Variants in NBN observed in about 807,000 individuals in gnomAD.
NBN encodes the protein nibrin, also known as Nijmegen breakage syndrome 1 (nibrin).
NBN carries 88 observed loss-of-function variants against 90.8 expected under a neutral mutation model. The ratio of observed to expected loss-of-function variants is 0.97; its 90% CI spans 0.82 to 1.16. The LOEUF is 1.16. Among genes scored for constraint, NBN ranks in the 50% most tolerant of loss-of-function variants. NBN has a pLI of 0.00. For missense variants in NBN, 894 were observed against 869.6 expected, an observed-to-expected ratio of 1.03 and a Z score of -0.35; for synonymous variants, 328 against 295.1, an observed-to-expected ratio of 1.11 and a Z score of -1.14.
chr8:89,981,587 A>C lies in NBN; in HGVS notation c.172-64T>G. The C allele has an allele frequency of 1.9e-6, 3 of 1,573,246 alleles. No individual in the cohort carries two copies. In the East Asian group the frequency reaches 6.7e-5, roughly 35 times the overall value. On this transcript the variant is annotated intron_variant, in intron 2 of 15. Coordinates refer to ENST00000265433, the MANE Select transcript of NBN (RefSeq NM_002485.5). ...CAGTACATTCACTTCTCAGAGAAAA[A>C]GTTTTCAAAAGAAAAGACAATAGGC...
At chr8:89,955,925 T>C (rs1335018873) in intron 9 of NBN, among the ~76,000 whole-genome samples, 1 of 151,930 alleles carries the variant, frequency 6.6e-6, no homozygotes, top group African/African-American at 2.4e-5. Flanking sequence ...ATCACTATTA[T>C]GGTACTTTCA....
Position 89,969,716 on chromosome 8 carries a change from C to A in NBN, c.896+648G>T, listed in dbSNP as rs952292530. Reference sequence around the variant, plus strand: ...CCTGTAATCCCAGCACTTTGGGAGGCCGAGGTGGGTGGATCATCTCAGGAT... The same window carrying A: ...CCTGTAATCCCAGCACTTTGGGAGGACGAGGTGGGTGGATCATCTCAGGAT... On this transcript the variant is annotated intron_variant, in intron 7 of 15. Transcript: ENST00000265433. 7.4e-4 allele frequency among the ~76,000 whole-genome samples: 113 copies of A among 152,258 alleles called. 3 individuals carry two copies. Among genetic ancestry groups the A allele is most frequent in the African/African-American group, 2.6e-3 (108 of 41,546 alleles).
In NBN at chr8:89,976,606, T is replaced by C. The variant is rs142071321; in HGVS notation, c.584+1614A>G. On this transcript the variant is annotated intron_variant, in intron 5 of 15. Transcript: ENST00000265433. The stretch of plus-strand genomic sequence containing the variant: ...AATAAATGACCACAGCAACAGCTAG[T>C]CGGGACCGCGGCTGCTAACTCTTTA... Among the ~76,000 whole-genome samples the C allele has an allele frequency of 1.7e-3, 257 of 152,298 alleles. 3 individuals are homozygous for C. Among genetic ancestry groups the C allele is most frequent in the Middle Eastern group, 3.4e-3 (1 of 294 alleles).
chr8:89,971,262 T>C lies in NBN; in HGVS notation c.613A>G (p.Ile205Val), dbSNP rs730881845. 1.4e-5 allele frequency: 23 copies of C among 1,612,920 alleles called. No homozygotes were observed. The highest frequency in any genetic ancestry group is 3.3e-4 in the Middle Eastern group (2 of 6,030). Residue 205 changes from isoleucine to valine, a missense_variant, in exon 6 of 16, where the codon ATT becomes GTT. Physicochemically the swap from Ile to Val is conservative, Grantham distance 29 (BLOSUM62 3). Transcript: ENST00000265433. The stretch of plus-strand genomic sequence containing the variant: ...GACAGATCAACATTTTTACTTCCAA[T>C]AGATGGTTCATCAAGAGGTGGGTAA... ...SFYPPLDEPS[I>V]GSKNVDLSGR...
chr8:89,935,664 C>CT (rs1809638083), intron 15 of NBN, 52 bp from the exon 16 acceptor site: 3 of 1,594,022 alleles, frequency 1.9e-6, no homozygotes, highest in Non-Finnish European at 2.6e-6. Flanking sequence ...GATGGTATTT[C>CT]TTTTAAAGGT....
At chr8:89,943,417 A>ACCAT in intron 13 of NBN, 51 bp from the exon 14 acceptor site, 1 of 1,555,210 alleles carries the variant, frequency 6.4e-7, no homozygotes, top group Non-Finnish European at 8.9e-7. Context: ...AACAAAAATG[A>ACCAT]CCATTTTTTT....
chr8:89,939,488 T>G (rs1809839785), intron 14 of NBN, among the ~76,000 whole-genome samples: 1 of 152,056 alleles, frequency 6.6e-6, no homozygotes, highest in African/African-American at 2.4e-5. Context: ...ATCATCATTC[T>G]CTCAACTTCT....
chr8:89,957,422 G>T (rs1395666553), intron 9 of NBN, among the ~76,000 whole-genome samples: 1 of 152,124 alleles, frequency 6.6e-6, no homozygotes, highest in African/African-American at 2.4e-5. Flanking sequence ...TTTAAGCTAG[G>T]TATTATTAAA....
At chr8:89,935,691 G>A (rs2130735975) in intron 15 of NBN, 79 bp from the exon 16 acceptor site, 1 of 1,549,204 alleles carries the variant, frequency 6.5e-7, no homozygotes, top group Non-Finnish European at 8.8e-7. Context: ...CTTTCAAACT[G>A]TAGTCACACT....
At position 89,955,498 on chromosome 8, in the gene NBN, T is replaced by C. The variant is rs1586059412; in HGVS notation, c.1182A>G (p.Arg394=). ...IKVSKMEQKF[R]MLSQDAPTVK... Reference sequence around the variant, plus strand: ...CAGTGGGTGCATCTTGTGAAAGCATTCTGAATTTTTGTTCCATTTTGGAGA... The same window carrying C: ...CAGTGGGTGCATCTTGTGAAAGCATCCTGAATTTTTGTTCCATTTTGGAGA... Residue 394 remains arginine, a synonymous_variant, in exon 10 of 16, where the codon AGA becomes AGG. Transcript: ENST00000265433. 4 of 1,613,670 alleles carry C rather than the reference T, an allele frequency of 2.5e-6. No individual in the cohort carries two copies. The East Asian group carries it at 8.9e-5, about 36-fold the overall frequency.
chr8:89,984,028 C>T (rs970446674), intron 1 of NBN, among the ~76,000 whole-genome samples: 2 of 152,168 alleles, frequency 1.3e-5, no homozygotes, highest in Non-Finnish European at 2.9e-5. Flanking sequence ...TCGACTTTTC[C>T]CATTGTTCTG....
rs557825078 is a variant in NBN at position 89,981,809 on chromosome 8, T to A, written c.172-286A>T. 1.6e-3 allele frequency: 817 copies of A among 516,472 alleles called. 9 individuals carry two copies. Among genetic ancestry groups the A allele is most frequent in the African/African-American group, 0.013 (683 of 51,318 alleles). The allele number at this position is 516,472 out of a possible 1,614,324, so 32.0% of individuals were successfully genotyped here. A position where few individuals can be genotyped will look rare whatever the true frequency, so the allele number is the denominator to read the frequency against. On this transcript the variant is annotated intron_variant, in intron 2 of 15. Transcript: ENST00000265433. ...GACCCCTCACACACATTTGAGAATT[T>A]TTTGCTTTGGTGCAGTCTGTTTCAT... is the stretch of plus-strand genomic sequence containing the variant.
In NBN at chr8:89,981,562, C is replaced by G. The variant is rs769789921; in HGVS notation, c.172-39G>C. 5 of 1,607,160 alleles carry G rather than the reference C, an allele frequency of 3.1e-6. No homozygotes were observed. The Admixed American group carries it at 5.0e-5, about 16-fold the overall frequency. On this transcript the variant is annotated intron_variant, in intron 2 of 15. Coordinates refer to ENST00000265433, the MANE Select transcript of NBN (RefSeq NM_002485.5). ...AAATAATTTAAAGTCTTTTACCACTCAGTACATTCACTTCTCAGAGAAAAA... is the reference window on the plus strand; with the variant it reads ...AAATAATTTAAAGTCTTTTACCACTGAGTACATTCACTTCTCAGAGAAAAA...
chr8:89,981,680 C>A, intron 2 of NBN, 157 bp from the exon 3 acceptor site: 1 of 733,644 alleles, frequency 1.4e-6, no homozygotes, highest in Non-Finnish European at 2.2e-6. Flanking sequence ...GAAGATCACT[C>A]AACTAACAAT....
rs117864816 is a variant in NBN at position 89,957,002 on chromosome 8, G to A, written c.1125-1447C>T. 6.0e-3 allele frequency among the ~76,000 whole-genome samples: 907 copies of A among 152,126 alleles called. 4 individuals carry two copies. Among genetic ancestry groups the A allele is most frequent in the Middle Eastern group, 0.02 (6 of 294 alleles). On this transcript the variant is annotated intron_variant, in intron 9 of 15. Coordinates refer to ENST00000265433, the MANE Select transcript of NBN (RefSeq NM_002485.5). ...TATAGCACAACAGCACATACAATTCGGTACAATACATAATACTTGATAATG... is the reference window on the plus strand; with the variant it reads ...TATAGCACAACAGCACATACAATTCAGTACAATACATAATACTTGATAATG...
intron 14 of NBN, among the ~76,000 whole-genome samples, chr8:89,939,141 G>A (rs1809821349): frequency 6.6e-6 from 1 of 151,998 alleles, no homozygotes; most frequent in Non-Finnish European, 1.5e-5. Context: ...GGAACTTCAG[G>A]AACTGACGCA....
At chr8:89,982,132 G>A in intron 2 of NBN, 1 of 261,666 alleles carries the variant, frequency 3.8e-6, no homozygotes, top group South Asian at 4.5e-5. Flanking sequence ...ATATTCCTAT[G>A]TATTTTTTTT....
chr8:89,951,733 G>C (rs772430602), intron 11 of NBN, among the ~76,000 whole-genome samples: 1 of 150,492 alleles, frequency 6.6e-6, no homozygotes, highest in South Asian at 2.1e-4. Context: ...TCTGTGAAAT[G>C]AGAGTAGTCT....
At chr8:89,951,542 C>T (rs1810450180) in intron 11 of NBN, among the ~76,000 whole-genome samples, 1 of 152,056 alleles carries the variant, frequency 6.6e-6, no homozygotes, top group African/African-American at 2.4e-5. Flanking sequence ...AATGTAAATC[C>T]ATAATACCAA....
Sources: gnomAD v4.1 joint callset for allele counts (sites outside exome capture counted in the v4.1 genomes callset) on GRCh38, gnomAD v4.1.1 for gene constraint, MANE v1.5 for transcripts, NCBI Gene and HGNC (gene_info 2026-07-23, HGNC 2026-07-21) for gene names.